PUDP: variants seen among roughly 807,000 people sequenced by gnomAD.
The protein encoded by PUDP is pseudouridine 5'-phosphatase.
PUDP carries 8 observed loss-of-function variants against 9.4 expected under a neutral mutation model. That is an observed-to-expected ratio of 0.85 (90% CI 0.50 to 1.53). The LOEUF is 1.53. Among genes scored for constraint, PUDP ranks in the 40% most tolerant of loss-of-function variants. The probability of loss-of-function intolerance (pLI) is 0.00; values close to 1 mark genes in which losing one functional copy is unlikely to be tolerated. For synonymous variants in PUDP, 99 were observed against 80.7 expected (o/e 1.23, Z -1.22); for missense variants, 188 against 189.7 (o/e 0.99, Z 0.05).
intron 3 of PUDP, among the ~76,000 whole-genome samples, chrX:7,063,750 C>T (rs1475186147): frequency 2.7e-5 from 3 of 111,560 alleles, no homozygotes; most frequent in African/African-American, 9.8e-5. Flanking sequence ...GCTCAGGTGA[C>T]CTTCCCACCT....
At position 6,908,121 on chromosome X, in the gene PUDP, G is replaced by A. The variant is rs780549839; in HGVS notation, c.*247+69012C>T. 2.0e-4 allele frequency among the ~76,000 whole-genome samples: 23 copies of A among 112,499 alleles called. 1 individual carries two copies. Among genetic ancestry groups the A allele is most frequent in the African/African-American group, 1.9e-4 (6 of 30,993 alleles). On this transcript the variant is annotated intron_variant and NMD_transcript_variant, in intron 3 of 3. Coordinates refer to the PUDP transcript ENST00000655425. Reference sequence around the variant, plus strand: ...AGTACAATACAACCATAGCATGCCCGCATGGGCTTCTTTGGGGATTCCAGA... The same window carrying A: ...AGTACAATACAACCATAGCATGCCCACATGGGCTTCTTTGGGGATTCCAGA...
chrX:7,035,270 ATTC>A (rs936390917), intron 1 of PUDP, among the ~76,000 whole-genome samples: 4 of 111,933 alleles, frequency 3.6e-5, no homozygotes, highest in African/African-American at 9.7e-5. Flanking sequence ...ATGCTATAAT[ATTC>A]TTATTTTGAG....
At position 6,744,876 on chromosome X, in the gene PUDP, G is replaced by A. The variant is rs776227971; in HGVS notation, c.*248-38410C>T. On this transcript the variant is annotated intron_variant and NMD_transcript_variant, in intron 3 of 3. Transcript: ENST00000655425. ...AGATGGAAGCAACAATAATAAAAACGATCTCAATAGAAAAATATTAAACGA... is the reference window on the plus strand; with the variant it reads ...AGATGGAAGCAACAATAATAAAAACAATCTCAATAGAAAAATATTAAACGA... 2.4e-3 allele frequency among the ~76,000 whole-genome samples: 266 copies of A among 111,632 alleles called. 1 individual carries two copies. The highest frequency in any genetic ancestry group is 8.1e-3 in the African/African-American group (249 of 30,759).
At chrX:6,789,621 TGGTTAGCTAGGGAGAAAATA>T (rs1925705835) in intron 3 of PUDP, among the ~76,000 whole-genome samples, 1 of 111,051 alleles carries the variant, frequency 9.0e-6, no homozygotes, top group African/African-American at 3.3e-5. Context: ...GGAGCGCTGA[TGGTTAGCTAGGGAGAAAATA>T]GGTAGGGCAG....
intron 3 of PUDP, among the ~76,000 whole-genome samples, chrX:6,928,019 A>G (rs1833664051): frequency 9.9e-6 from 1 of 100,997 alleles, no homozygotes; most frequent in South Asian, 4.6e-4. Context: ...CAGTGGCATG[A>G]TTTCGGCTCA....
intron 3 of PUDP, among the ~76,000 whole-genome samples, chrX:7,074,546 G>A (rs763086795): frequency 7.1e-5 from 8 of 112,378 alleles, no homozygotes; most frequent in Middle Eastern, 4.6e-3. Context: ...TTATCAGTTT[G>A]TAAATACAGA....
upstream of PUDP, among the ~76,000 whole-genome samples, chrX:6,725,457 T>C (rs1212665747): frequency 9.0e-6 from 1 of 111,724 alleles, no homozygotes; most frequent in Non-Finnish European, 1.9e-5. Flanking sequence ...ACACATTATT[T>C]AGCTCCCTCT....
intron 1 of PUDP, among the ~76,000 whole-genome samples, chrX:7,134,321 G>A (rs1262349583): frequency 8.9e-6 from 1 of 111,904 alleles, no homozygotes; most frequent in Non-Finnish European, 1.9e-5. Context: ...GTACCTGTGA[G>A]GGCTGGCAAA....
At chrX:6,855,502 T>C (rs1926891796) in intron 3 of PUDP, among the ~76,000 whole-genome samples, 1 of 111,686 alleles carries the variant, frequency 9.0e-6, no homozygotes, top group African/African-American at 3.3e-5. Flanking sequence ...TCTTAGATGT[T>C]TATCCATGCT....
intron 3 of PUDP, among the ~76,000 whole-genome samples, chrX:6,936,057 A>G (rs1928293440): frequency 9.0e-6 from 1 of 110,846 alleles, no homozygotes; most frequent in South Asian, 3.9e-4. Context: ...CCAGAGGTAC[A>G]AGGAGGAACT....
chrX:6,773,598 G>C (rs1409647972), intron 3 of PUDP, among the ~76,000 whole-genome samples: 1 of 111,181 alleles, frequency 9.0e-6, no homozygotes, highest in Non-Finnish European at 1.9e-5. Context: ...GGTCGGGTAT[G>C]AGACAGAACT....
intron 3 of PUDP, among the ~76,000 whole-genome samples, chrX:6,734,424 C>G (rs1868646): frequency 9.0e-6 from 1 of 111,380 alleles, no homozygotes; most frequent in South Asian, 3.8e-4. Flanking sequence ...TGCATACATA[C>G]AGCAAAACAT....
At chrX:6,901,658 A>G (rs185013904) in intron 3 of PUDP, among the ~76,000 whole-genome samples, 16 of 112,479 alleles carry the variant, frequency 1.4e-4, no homozygotes, top group African/African-American at 5.2e-4. Context: ...AGATAGTCAC[A>G]CTATAATTAA....
At chrX:6,747,726 T>C (rs1925017260) in intron 3 of PUDP, among the ~76,000 whole-genome samples, 1 of 112,402 alleles carries the variant, frequency 8.9e-6, no homozygotes, top group South Asian at 3.7e-4. Flanking sequence ...TACCAAGTGA[T>C]GTATTGTACA....
chrX:6,887,152 T>G (rs1602659830), intron 3 of PUDP, among the ~76,000 whole-genome samples: 1 of 41,419 alleles, frequency 2.4e-5, no homozygotes, highest in East Asian at 4.2e-4. Flanking sequence ...TTTAATTATT[T>G]AATTTAATTT....
chrX:7,130,594 A>G (rs1932594161), intron 1 of PUDP, among the ~76,000 whole-genome samples: 1 of 111,352 alleles, frequency 9.0e-6, no homozygotes, highest in African/African-American at 3.3e-5. Context: ...CAGGTGGATC[A>G]CTTGAGTCCA....
chrX:6,710,701 G>A (rs1460294961), intron 1 of PUDP, among the ~76,000 whole-genome samples: 1 of 112,200 alleles, frequency 8.9e-6, no homozygotes. Flanking sequence ...GCTGGATTTC[G>A]CAGAATAAAA....
At chrX:6,921,370 C>T (rs1474910153) in intron 3 of PUDP, among the ~76,000 whole-genome samples, 1 of 110,001 alleles carries the variant, frequency 9.1e-6, no homozygotes, top group Non-Finnish European at 1.9e-5. Flanking sequence ...GGCAACAGAG[C>T]AGGACCCTGT....
intron 3 of PUDP, among the ~76,000 whole-genome samples, chrX:6,792,799 TA>T (rs1177700590): frequency 1.8e-5 from 2 of 112,952 alleles, no homozygotes; most frequent in Non-Finnish European, 3.7e-5. Context: ...TTTTTCTTGC[TA>T]ATCTGATTTT....
Sources: allele counts gnomAD v4.1 joint callset (sites outside exome capture counted in the v4.1 genomes callset), GRCh38; gene constraint gnomAD v4.1.1; transcripts MANE v1.5; gene names NCBI Gene and HGNC (gene_info 2026-07-23, HGNC 2026-07-21).